Variants in FOCAD observed in about 807,000 individuals in gnomAD.
FOCAD encodes the protein focadhesin.
In FOCAD, 198 loss-of-function variants were observed where a neutral mutation model predicts 225.6. The ratio of observed to expected loss-of-function variants is 0.88; its 90% confidence interval spans 0.78 to 0.99. The LOEUF (loss-of-function observed/expected upper bound fraction) is 0.99. Among genes scored for constraint, FOCAD ranks in the 50% least tolerant of loss-of-function variants. The probability of loss-of-function intolerance (pLI) is 0.00; values close to 1 mark genes in which losing one functional copy is unlikely to be tolerated. For missense variants in FOCAD, 2,713 were observed against 2,123.6 expected, an observed-to-expected ratio of 1.28 and a Z score of -5.46; for synonymous variants, 897 against 755.0, an observed-to-expected ratio of 1.19 and a Z score of -3.08.
At chr9:20,675,349 G>T (rs1822202022) in intron 2 of FOCAD, among the ~76,000 whole-genome samples, 1 of 152,182 alleles carries the variant, frequency 6.6e-6, no homozygotes, top group African/African-American at 2.4e-5. Context: ...AACAAGAAAA[G>T]AAGAGAAAAG....
At chr9:20,829,010 A>G (rs530821133) in intron 15 of FOCAD, among the ~76,000 whole-genome samples, 38 of 152,182 alleles carry the variant, frequency 2.5e-4, no homozygotes, top group African/African-American at 8.9e-4. Context: ...GTGTATATGT[A>G]CCACATTTTC....
At chr9:20,719,463 A>T (rs1408569696) in intron 3 of FOCAD, among the ~76,000 whole-genome samples, 1 of 152,070 alleles carries the variant, frequency 6.6e-6, no homozygotes, top group Non-Finnish European at 1.5e-5. Context: ...TTCCCTAATA[A>T]GTTGCATCAG....
chr9:20,678,976 A>G (rs1432117322), intron 2 of FOCAD, among the ~76,000 whole-genome samples: 2 of 152,196 alleles, frequency 1.3e-5, no homozygotes, highest in Non-Finnish European at 2.9e-5. Flanking sequence ...GTAACATCTC[A>G]GCAAAGACTT....
At chr9:20,826,064 T>TA (rs1390101120) in intron 15 of FOCAD, among the ~76,000 whole-genome samples, 3 of 152,098 alleles carry the variant, frequency 2.0e-5, no homozygotes, top group East Asian at 1.9e-4. Context: ...GAATTGCTTT[T>TA]AAAAAATTAC....
intron 7 of FOCAD, among the ~76,000 whole-genome samples, chr9:20,766,056 G>T (rs547843613): frequency 1.4e-4 from 22 of 152,224 alleles, no homozygotes; most frequent in Admixed American, 1.2e-3. Flanking sequence ...TTTTGTGTGG[G>T]CAATAAAGCA....
At chr9:20,715,241 C>A in intron 1 of FOCAD, 81 bp from the exon 2 acceptor site, 1 of 543,552 alleles carries the variant, frequency 1.8e-6, no homozygotes, top group South Asian at 5.0e-5. Flanking sequence ...ATTACATTCA[C>A]ATTATTTGAG....
At chr9:20,976,577 GAC>G in intron 36 of FOCAD, 29 bp downstream of exon 36, 1 of 1,607,578 alleles carries the variant, frequency 6.2e-7, no homozygotes, top group Non-Finnish European at 8.5e-7. Context: ...TAAGTCTTCA[GAC>G]TTTGATTTTA....
intron 11 of FOCAD, among the ~76,000 whole-genome samples, chr9:20,811,656 C>G (rs1047461439): frequency 6.6e-6 from 1 of 152,004 alleles, no homozygotes; most frequent in Non-Finnish European, 1.5e-5. Context: ...ATGTTGCTTA[C>G]ATGCCTGCAA....
intron 21 of FOCAD, among the ~76,000 whole-genome samples, chr9:20,891,943 T>G (rs954090861): frequency 1.3e-5 from 2 of 152,204 alleles, no homozygotes; most frequent in Non-Finnish European, 1.5e-5. Flanking sequence ...CTAATGCAGC[T>G]GATGACTTAA....
At chr9:20,947,060 T>TTCTC (rs966336492) in intron 30 of FOCAD, among the ~76,000 whole-genome samples, 1 of 150,946 alleles carries the variant, frequency 6.6e-6, no homozygotes, top group Non-Finnish European at 1.5e-5. Context: ...TGATATGCTT[T>TTCTC]TCTCTCTCTC....
At chr9:20,814,428 T>A (rs1823435559) in intron 11 of FOCAD, among the ~76,000 whole-genome samples, 2 of 151,990 alleles carry the variant, frequency 1.3e-5, no homozygotes, top group Admixed American at 6.6e-5. Context: ...CGATCTTGGC[T>A]CACTGGAACT....
chr9:20,804,418 G>T (rs976148300), intron 11 of FOCAD, among the ~76,000 whole-genome samples: 13 of 151,946 alleles, frequency 8.6e-5, no homozygotes, highest in African/African-American at 3.1e-4. Flanking sequence ...GCCGGGGAGG[G>T]TTCAGACAAT....
At chr9:20,908,429 A>G (rs1178454105) in intron 22 of FOCAD, among the ~76,000 whole-genome samples, 2 of 152,114 alleles carry the variant, frequency 1.3e-5, no homozygotes, top group African/African-American at 4.8e-5. Flanking sequence ...ACACTAATGT[A>G]TCTTCAGAGA....
chr9:20,979,501 T>C (rs746800950), intron 37 of FOCAD, among the ~76,000 whole-genome samples: 3 of 152,006 alleles, frequency 2.0e-5, no homozygotes, highest in Non-Finnish European at 4.4e-5. Flanking sequence ...ACCGTGCCCA[T>C]CTAATTTTTG....
intron 2 of FOCAD, among the ~76,000 whole-genome samples, chr9:20,666,992 A>G (rs1296502897): frequency 2.0e-4 from 31 of 152,230 alleles, no homozygotes; most frequent in Admixed American, 2.0e-3. Context: ...CACAAAAACT[A>G]CTTTTGCATC....
At chr9:20,822,181 T>A (rs780503877) in intron 14 of FOCAD, among the ~76,000 whole-genome samples, 3 of 151,986 alleles carry the variant, frequency 2.0e-5, no homozygotes, top group Non-Finnish European at 4.4e-5. Flanking sequence ...CAGATCAGTC[T>A]ACTGCTAACT....
At chr9:20,779,310 C>G (rs965084056) in intron 9 of FOCAD, among the ~76,000 whole-genome samples, 1 of 152,214 alleles carries the variant, frequency 6.6e-6, no homozygotes, top group African/African-American at 2.4e-5. Flanking sequence ...GCAAATAAGT[C>G]ATACTTTTAA....
At chr9:20,778,007 G>A (rs926787653) in intron 8 of FOCAD, among the ~76,000 whole-genome samples, 6 of 144,160 alleles carry the variant, frequency 4.2e-5, no homozygotes, top group Non-Finnish European at 6.0e-5. Flanking sequence ...GGAGAATGGC[G>A]TGAACCCGGA....
intron 2 of FOCAD, among the ~76,000 whole-genome samples, chr9:20,666,456 C>A (rs1274211419): frequency 6.6e-6 from 1 of 151,906 alleles, no homozygotes; most frequent in African/African-American, 2.4e-5. Flanking sequence ...TGTAGTCCCA[C>A]CTACTTGGGA....
Sources: gnomAD v4.1 joint callset for allele counts (sites outside exome capture counted in the v4.1 genomes callset) on GRCh38, gnomAD v4.1.1 for gene constraint, MANE v1.5 for transcripts, NCBI Gene and HGNC (gene_info 2026-07-23, HGNC 2026-07-21) for gene names.